EPN2: variants seen among roughly 807,000 people sequenced by gnomAD.
EPN2 encodes the protein epsin 2.
In EPN2, 34 loss-of-function variants were observed where a neutral mutation model predicts 61.7. The ratio of observed to expected loss-of-function variants is 0.55; its 90% CI spans 0.42 to 0.73. The LOEUF is 0.73. Ranked by LOEUF, EPN2 falls within the 30% of genes least tolerant of loss-of-function variation. The probability of loss-of-function intolerance (pLI) is 0.00; values close to 1 mark genes in which losing one functional copy is unlikely to be tolerated. For synonymous variants in EPN2, 349 were observed against 353.6 expected (o/e 0.99, Z 0.15); for missense variants, 714 against 839.2 (o/e 0.85, Z 1.84).
intron 4 of EPN2, chr17:19,308,334 A>G (rs541970487): frequency 2.9e-4 from 282 of 975,470 alleles, no homozygotes; most frequent in Non-Finnish European, 3.3e-4. Context: ...TCAGCCTCCC[A>G]AAGTGCTAGG....
At chr17:19,251,168 T>C (rs1014521673) in intron 1 of EPN2, among the ~76,000 whole-genome samples, 1 of 152,192 alleles carries the variant, frequency 6.6e-6, no homozygotes, top group Non-Finnish European at 1.5e-5. Context: ...ACAACAAGCA[T>C]GTAGTTGAAC....
At position 19,237,400 on chromosome 17, in the gene EPN2, TG is replaced by T. The variant is rs1320746020; in HGVS notation, c.-423del. ...GCGCGCCCCCTCCCGGCCGCCATGTTGGCTGGTGTGTGGGTGTCAAACTGAG... is the reference window on the plus strand; with the variant it reads ...GCGCGCCCCCTCCCGGCCGCCATGTTGCTGGTGTGTGGGTGTCAAACTGAG... On this transcript the variant is annotated 5_prime_UTR_variant, in exon 1 of 11. It removes the in-frame stop codon of an upstream open reading frame in the 5' UTR. Coordinates refer to ENST00000314728, the MANE Select transcript of EPN2 (RefSeq NM_014964.5). 6.6e-6 allele frequency: 1 copy of T among 152,012 alleles called. No individual in the cohort carries two copies. The highest frequency in any genetic ancestry group is 1.5e-5 in the Non-Finnish European group (1 of 68,032). The allele number at this position is 152,012 out of a possible 1,614,324, so 9.4% of individuals were successfully genotyped here.
intron 9 of EPN2, among the ~76,000 whole-genome samples, chr17:19,331,068 T>G (rs917122991): frequency 6.6e-6 from 1 of 152,214 alleles, no homozygotes; most frequent in Non-Finnish European, 1.5e-5. Context: ...GTCCTGCCCC[T>G]TGCCTCAACT....
chr17:19,281,890 C>T, intron 1 of EPN2, 65 bp from the exon 2 acceptor site: 1 of 152,228 alleles, frequency 6.6e-6, no homozygotes, highest in East Asian at 1.9e-4. Flanking sequence ...CATCCCCTGC[C>T]AGACTGTGGC....
At chr17:19,274,953 A>G (rs186800664) in intron 1 of EPN2, among the ~76,000 whole-genome samples, 17 of 152,172 alleles carry the variant, frequency 1.1e-4, no homozygotes, top group African/African-American at 3.1e-4. Flanking sequence ...TGTGTTTTCA[A>G]GTTTACCAGA....
At chr17:19,245,505 C>T (rs376889491) in intron 1 of EPN2, among the ~76,000 whole-genome samples, 4 of 148,366 alleles carry the variant, frequency 2.7e-5, no homozygotes, top group African/African-American at 1.0e-4. Context: ...GGCGGGATCT[C>T]AGCTCACTGC....
At chr17:19,309,236 G>A (rs1598013391) in intron 4 of EPN2, among the ~76,000 whole-genome samples, 1 of 149,938 alleles carries the variant, frequency 6.7e-6, no homozygotes, top group Non-Finnish European at 1.5e-5. Flanking sequence ...TCCATATCCC[G>A]GGTCTCTAAG....
At chr17:19,282,528 A>G (rs1267714196) in intron 2 of EPN2, 1 of 152,222 alleles carries the variant, frequency 6.6e-6, no homozygotes, top group Non-Finnish European at 1.5e-5. Context: ...GGCTGGCCTC[A>G]AGTAATCCTC....
intron 7 of EPN2, among the ~76,000 whole-genome samples, chr17:19,315,114 G>A (rs1906324252): frequency 6.6e-6 from 1 of 152,136 alleles, no homozygotes; most frequent in African/African-American, 2.4e-5. Flanking sequence ...TTTTTATATT[G>A]TTTGGCTTGT....
chr17:19,282,259 G>A (rs570008586), intron 2 of EPN2, 182 bp downstream of exon 2: 4 of 152,274 alleles, frequency 2.6e-5, no homozygotes, highest in Middle Eastern at 3.4e-3. Flanking sequence ...CCAAGTGGAG[G>A]TCTTTATCCT....
At chr17:19,322,740 T>TAAAA (rs59626137) in intron 7 of EPN2, among the ~76,000 whole-genome samples, 2 of 102,722 alleles carry the variant, frequency 1.9e-5, no homozygotes, top group African/African-American at 3.5e-5. Flanking sequence ...AACCTGTCTC[T>TAAAA]AAAAAAAAAA....
intron 4 of EPN2, among the ~76,000 whole-genome samples, chr17:19,307,182 G>A (rs545068667): frequency 2.0e-5 from 3 of 152,324 alleles, no homozygotes; most frequent in African/African-American, 7.2e-5. Context: ...AAGGTGGATT[G>A]AGGACTTTTC....
At chr17:19,245,021 G>A (rs1354038602) in intron 1 of EPN2, among the ~76,000 whole-genome samples, 1 of 152,152 alleles carries the variant, frequency 6.6e-6, no homozygotes, top group Non-Finnish European at 1.5e-5. Context: ...GCAAGCTGAG[G>A]CTCGGAAGAG....
intron 4 of EPN2, among the ~76,000 whole-genome samples, chr17:19,304,645 C>T (rs1483696423): frequency 6.6e-6 from 1 of 152,234 alleles, no homozygotes; most frequent in Non-Finnish European, 1.5e-5. Flanking sequence ...TGCATCCCAG[C>T]ACTCCTGACC....
At chr17:19,262,703 AC>A (rs1296363437) in intron 1 of EPN2, among the ~76,000 whole-genome samples, 1 of 150,752 alleles carries the variant, frequency 6.6e-6, no homozygotes, top group Non-Finnish European at 1.5e-5. Flanking sequence ...ACATTTTATT[AC>A]CCCCAAAAGC....
At position 19,303,772 on chromosome 17, in the gene EPN2, T is replaced by G. The variant is rs910100322; in HGVS notation, c.767-6113T>G. 1.5e-4 allele frequency: 23 copies of G among 152,276 alleles called. No homozygotes were observed. In the East Asian group the frequency reaches 4.5e-3, roughly 30 times the overall value. The allele number at this position is 152,276 out of a possible 1,614,324, so 9.4% of individuals were successfully genotyped here. A position where few individuals can be genotyped will look rare whatever the true frequency, so the allele number is the denominator to read the frequency against. ...GCATTTTTCATTATACACCTTTTTG[T>G]CTTTTGCATCACATATATATATATG... On this transcript the variant is annotated intron_variant, in intron 4 of 10. Coordinates refer to ENST00000314728, the MANE Select transcript of EPN2 (RefSeq NM_014964.5).
At chr17:19,290,371 A>G (rs2045451026) in intron 4 of EPN2, among the ~76,000 whole-genome samples, 1 of 152,214 alleles carries the variant, frequency 6.6e-6, no homozygotes, top group Non-Finnish European at 1.5e-5. Flanking sequence ...TGGAGAAATT[A>G]CAGAAGTTCT....
At chr17:19,302,094 C>T (rs926479686) in intron 4 of EPN2, among the ~76,000 whole-genome samples, 4 of 152,224 alleles carry the variant, frequency 2.6e-5, no homozygotes, top group Non-Finnish European at 5.9e-5. Context: ...GCCAGACCTT[C>T]AGGGTCAGAC....
chr17:19,296,145 ATTCT>A (rs1227977857), intron 4 of EPN2, among the ~76,000 whole-genome samples: 4 of 151,186 alleles, frequency 2.6e-5, no homozygotes, highest in African/African-American at 9.7e-5. Flanking sequence ...GAAGTCATTC[ATTCT>A]ATTTTTTTTT....
Sources: allele counts gnomAD v4.1 joint callset (sites outside exome capture counted in the v4.1 genomes callset), GRCh38; gene constraint gnomAD v4.1.1; transcripts MANE v1.5; gene names NCBI Gene and HGNC (gene_info 2026-07-23, HGNC 2026-07-21).